CTNNA2: variants seen among roughly 807,000 people sequenced by gnomAD.
CTNNA2 encodes catenin alpha-2.
CTNNA2 carries 42 observed loss-of-function variants against 101.0 expected under a neutral mutation model. The observed-to-expected ratio is 0.42, with a 90% confidence interval of 0.32 to 0.54. The LOEUF is 0.54. CTNNA2 is among the 20% of genes least tolerant of loss of function. CTNNA2 has a pLI of 0.14. For synonymous variants in CTNNA2, 450 were observed against 456.4 expected (o/e 0.99, Z 0.18); for missense variants, 871 against 1,223.1 (o/e 0.71, Z 4.29).
intron 7 of CTNNA2, among the ~76,000 whole-genome samples, chr2:80,059,578 C>A (rs1356713275): frequency 6.6e-6 from 1 of 152,192 alleles, no homozygotes; most frequent in Non-Finnish European, 1.5e-5. Context: ...GATAGTGGGT[C>A]CAGATCACTG....
intron 7 of CTNNA2, among the ~76,000 whole-genome samples, chr2:80,333,095 A>C (rs994872890): frequency 6.6e-6 from 1 of 152,182 alleles, no homozygotes; most frequent in Non-Finnish European, 1.5e-5. Flanking sequence ...CTTGCAACAG[A>C]GACTGCAGAG....
At chr2:80,269,331 T>C (rs1024866985) in intron 7 of CTNNA2, among the ~76,000 whole-genome samples, 1 of 152,198 alleles carries the variant, frequency 6.6e-6, no homozygotes, top group Non-Finnish European at 1.5e-5. Flanking sequence ...CAATCATTCT[T>C]CTCTCTCCTG....
chr2:80,107,128 C>T (rs1700937347), intron 7 of CTNNA2, among the ~76,000 whole-genome samples: 1 of 152,190 alleles, frequency 6.6e-6, no homozygotes, highest in Non-Finnish European at 1.5e-5. Context: ...GGTGAAGTCC[C>T]ACCTTCCAGC....
At chr2:79,473,893 T>C (rs1447757312) in intron 4 of CTNNA2, among the ~76,000 whole-genome samples, 1 of 152,182 alleles carries the variant, frequency 6.6e-6, no homozygotes, top group Non-Finnish European at 1.5e-5. Flanking sequence ...CTTTGTCCAA[T>C]AGAATTTCTC....
chr2:79,735,065 T>C (rs1023675488), intron 2 of CTNNA2, among the ~76,000 whole-genome samples: 6 of 152,088 alleles, frequency 3.9e-5, no homozygotes, highest in African/African-American at 7.2e-5. Context: ...GAGTGGTTGG[T>C]GGTTTGTACT....
chr2:80,056,648 A>G (rs917794705), intron 7 of CTNNA2, among the ~76,000 whole-genome samples: 1 of 152,136 alleles, frequency 6.6e-6, no homozygotes, highest in South Asian at 2.1e-4. Flanking sequence ...TTATTCCTGT[A>G]CATTTTGCTT....
At position 80,615,490 on chromosome 2, in the gene CTNNA2, A is replaced by G. The variant is rs551638740; in HGVS notation, c.2431-3595A>G. On this transcript the variant is annotated intron_variant, in intron 17 of 18. Coordinates refer to ENST00000402739, the MANE Select transcript of CTNNA2 (RefSeq NM_001282597.3). ...CTAATACCAAATAATTTTCATGAAA[A>G]GGATAAATTTTTCTGTCCCTTGTGT... Among the ~76,000 whole-genome samples the G allele has an allele frequency of 3.4e-4, 52 of 151,700 alleles. 1 individual carries two copies. In the South Asian group the frequency reaches 0.011, roughly 31 times the overall value.
At chr2:79,501,695 A>G (rs1671321459) in intron 4 of CTNNA2, among the ~76,000 whole-genome samples, 1 of 152,220 alleles carries the variant, frequency 6.6e-6, no homozygotes, top group South Asian at 2.1e-4. Flanking sequence ...GTTTCAGGGA[A>G]GATCACAAAT....
chr2:79,342,462 G>C (rs890528486), intron 3 of CTNNA2, among the ~76,000 whole-genome samples: 2 of 152,178 alleles, frequency 1.3e-5, no homozygotes, highest in Admixed American at 6.5e-5. Flanking sequence ...CTTGTGTTAA[G>C]ATGTTATGTA....
intron 7 of CTNNA2, among the ~76,000 whole-genome samples, chr2:79,952,786 A>T (rs573675110): frequency 6.6e-6 from 1 of 152,280 alleles, no homozygotes; most frequent in African/African-American, 2.4e-5. Context: ...CTGCTTTCAC[A>T]CTACAAGGGC....
At chr2:79,567,206 G>T (rs931030171) in intron 1 of CTNNA2, among the ~76,000 whole-genome samples, 1 of 152,166 alleles carries the variant, frequency 6.6e-6, no homozygotes, top group Non-Finnish European at 1.5e-5. Flanking sequence ...ATTTAATGAA[G>T]TCCTGTGGTT....
chr2:80,355,325 C>T (rs1015907177), intron 7 of CTNNA2, among the ~76,000 whole-genome samples: 52 of 152,256 alleles, frequency 3.4e-4, no homozygotes, highest in African/African-American at 1.1e-3. Context: ...TAGAACAGAT[C>T]GTTTTTCTGA....
Position 80,302,070 on chromosome 2 carries a change from C to A in CTNNA2, c.1057-91141C>A. On this transcript the variant is annotated intron_variant, in intron 7 of 18. Transcript: ENST00000402739. The surrounding 1 kb of genome is among the most constrained non-coding windows in gnomAD (Gnocchi z 6.4). ...TGGGGTTTTTTGTTGTGTTTTAATT[C>A]GCTTTTGTTTTTAAGACACAATAAA... 1 of 794,380 alleles carries A rather than the reference C, an allele frequency of 1.3e-6. No homozygotes were observed. The highest frequency in any genetic ancestry group is 2.2e-5 in the South Asian group (1 of 44,784). 49.2% of individuals were successfully genotyped at this position (794,380 alleles called of 1,614,324 possible).
In CTNNA2 at chr2:79,478,060, A is replaced by G. The variant is rs1671069661; in HGVS notation, c.-134-26994A>G. On this transcript the variant is annotated intron_variant, in intron 4 of 21. Transcript: ENST00000466387. ...AAAACTTCCAAATTCATTTAAAGTT[A>G]CAGTTCCTCTCCTTCCTTCAACTAA... is the stretch of plus-strand genomic sequence containing the variant. Among the ~76,000 whole-genome samples the G allele has an allele frequency of 3.3e-5, 5 of 152,356 alleles. No individual in the cohort carries two copies. The South Asian group carries it at 1.0e-3, about 32-fold the overall frequency.
chr2:79,538,015 C>T (rs778571396), intron 1 of CTNNA2, among the ~76,000 whole-genome samples: 1 of 152,058 alleles, frequency 6.6e-6, no homozygotes, highest in East Asian at 1.9e-4. Flanking sequence ...TGACCCTGTT[C>T]ATTCCAAGAG....
chr2:79,193,422 C>T lies in CTNNA2; in HGVS notation c.-523-4537C>T, dbSNP rs373245059. ...TGTGTAACAGTTACCTACGGTGTTC[C>T]GTACAATAACATACTATACAGGTAC... On this transcript the variant is annotated intron_variant, in intron 1 of 21. Coordinates refer to the CTNNA2 transcript ENST00000466387. Among the ~76,000 whole-genome samples the T allele has an allele frequency of 4.6e-5, 7 of 152,066 alleles. No individual in the cohort carries two copies. In the East Asian group the frequency reaches 7.7e-4, roughly 17 times the overall value.
intron 4 of CTNNA2, among the ~76,000 whole-genome samples, chr2:79,376,489 T>C (rs1193644738): frequency 6.6e-5 from 10 of 150,902 alleles, no homozygotes; most frequent in Admixed American, 3.3e-4. Flanking sequence ...ATTTTTCTAA[T>C]TTTTTTTTAT....
Position 80,213,509 on chromosome 2 carries a change from C to T in CTNNA2, c.1057-179702C>T, listed in dbSNP as rs189739034. Among the ~76,000 whole-genome samples the T allele has an allele frequency of 4.5e-3, 689 of 152,214 alleles. 3 individuals are homozygous for T. The highest frequency in any genetic ancestry group is 5.9e-3 in the Non-Finnish European group (404 of 68,000). ...TCAGGAGCACATTGTTCAGTTTCCACGTAGTTGAGCAGTTTTGAGTGAGTT... is the reference window on the plus strand; with the variant it reads ...TCAGGAGCACATTGTTCAGTTTCCATGTAGTTGAGCAGTTTTGAGTGAGTT... On this transcript the variant is annotated intron_variant, in intron 7 of 18. Transcript: ENST00000402739.
intron 1 of CTNNA2, among the ~76,000 whole-genome samples, chr2:79,618,772 G>C (rs1488053611): frequency 6.6e-6 from 1 of 152,242 alleles, no homozygotes; most frequent in African/African-American, 2.4e-5. Context: ...AAGTTGTTGA[G>C]AGAAAATGGA....
Sources: allele counts gnomAD v4.1 joint callset (sites outside exome capture counted in the v4.1 genomes callset), GRCh38; gene constraint gnomAD v4.1.1; non-coding constraint Gnocchi (gnomAD v3.1); transcripts MANE v1.5; gene names NCBI Gene and HGNC (gene_info 2026-07-23, HGNC 2026-07-21).